Variants in ESRRG observed in about 807,000 individuals in gnomAD.
The protein encoded by ESRRG is estrogen related receptor gamma.
Under a neutral mutation model 44.0 loss-of-function variants are expected in ESRRG, and 13 were observed. The observed-to-expected ratio is 0.30, with a 90% CI of 0.19 to 0.47. The LOEUF (loss-of-function observed/expected upper bound fraction) is 0.47, where lower values mean the gene tolerates loss of function less well. ESRRG is among the 20% of genes least tolerant of loss of function. ESRRG has a pLI of 1.00. For synonymous variants in ESRRG, 215 were observed against 214.6 expected (o/e 1.00, Z -0.02); for missense variants, 395 against 580.6 (o/e 0.68, Z 3.29).
intron 2 of ESRRG, among the ~76,000 whole-genome samples, chr1:216,804,647 T>A (rs764390131): frequency 1.3e-5 from 2 of 152,092 alleles, no homozygotes; most frequent in African/African-American, 2.4e-5. Context: ...ACACACTTTT[T>A]TTTTTTAAAT....
At chr1:216,574,287 T>A (rs1392619436) in intron 3 of ESRRG, among the ~76,000 whole-genome samples, 2 of 152,094 alleles carry the variant, frequency 1.3e-5, no homozygotes, top group Non-Finnish European at 2.9e-5. Flanking sequence ...CACAAGGGAA[T>A]TACAAATCTT....
chr1:216,707,275 C>A, intron 1 of ESRRG: 1 of 1,441,114 alleles, frequency 6.9e-7, no homozygotes, highest in Non-Finnish European at 9.3e-7. Context: ...AAAATCAAAC[C>A]ATATACAAGT....
intron 2 of ESRRG, among the ~76,000 whole-genome samples, chr1:216,905,322 T>C (rs982861366): frequency 6.6e-6 from 1 of 152,056 alleles, no homozygotes; most frequent in Admixed American, 6.6e-5. Flanking sequence ...TCCTGTTCTT[T>C]GAACCACCCC....
intron 2 of ESRRG, among the ~76,000 whole-genome samples, chr1:216,732,072 T>C (rs2088897681): frequency 6.7e-6 from 1 of 148,512 alleles, no homozygotes; most frequent in Admixed American, 6.7e-5. Context: ...ATTTAAAAAT[T>C]CTAATTAAGA....
chr1:216,842,126 C>T (rs2095663069), intron 2 of ESRRG, among the ~76,000 whole-genome samples: 1 of 152,102 alleles, frequency 6.6e-6, no homozygotes, highest in South Asian at 2.1e-4. Context: ...ACAAAACATC[C>T]AACAACCAAA....
At chr1:217,016,289 T>A (rs1343256200) in intron 1 of ESRRG, among the ~76,000 whole-genome samples, 1 of 152,120 alleles carries the variant, frequency 6.6e-6, no homozygotes, top group East Asian at 1.9e-4. Context: ...TCCTTTTTTT[T>A]TAAGATTGTA....
At chr1:216,768,929 G>A (rs184975779) in intron 2 of ESRRG, among the ~76,000 whole-genome samples, 46 of 152,192 alleles carry the variant, frequency 3.0e-4, no homozygotes, top group Non-Finnish European at 2.9e-5. Context: ...ATGGTTTAGA[G>A]TCTATGCTGC....
intron 2 of ESRRG, among the ~76,000 whole-genome samples, chr1:216,768,276 G>A (rs983155670): frequency 6.6e-6 from 1 of 152,062 alleles, no homozygotes; most frequent in African/African-American, 2.4e-5. Flanking sequence ...ATTGAGAAAG[G>A]GTTGATGTGA....
chr1:216,858,306 G>A (rs774861090), intron 2 of ESRRG, among the ~76,000 whole-genome samples: 10 of 151,618 alleles, frequency 6.6e-5, no homozygotes, highest in Admixed American at 1.3e-4. Flanking sequence ...GCGTGGTGGC[G>A]GGTGCCTGTA....
At chr1:216,775,574 TTTTTTTTTTTTTTTTTTTA>T (rs1286481218) in intron 2 of ESRRG, among the ~76,000 whole-genome samples, 11 of 70,370 alleles carry the variant, frequency 1.6e-4, no homozygotes, top group African/African-American at 4.7e-4. Context: ...TTTTTTTTTT[TTTTTTTTTTTTTTTTTTTA>T]GACAGCGTCT....
intron 2 of ESRRG, among the ~76,000 whole-genome samples, chr1:216,731,750 A>G (rs888763044): frequency 6.6e-6 from 1 of 152,218 alleles, no homozygotes; most frequent in African/African-American, 2.4e-5. Flanking sequence ...GGGGAGGGGC[A>G]TGAGGCCTGT....
intron 2 of ESRRG, among the ~76,000 whole-genome samples, chr1:216,812,899 G>GAT (rs1200424761): frequency 6.6e-6 from 1 of 152,188 alleles, no homozygotes. Flanking sequence ...TAGCAATGAG[G>GAT]ATAGGGCTGA....
intron 2 of ESRRG, among the ~76,000 whole-genome samples, chr1:216,842,211 A>G (rs1436685665): frequency 6.6e-6 from 1 of 152,214 alleles, no homozygotes; most frequent in Non-Finnish European, 1.5e-5. Flanking sequence ...GCCTAGTTCT[A>G]TATGAAGTTC....
At chr1:216,723,143 C>G (rs547298411) in intron 1 of ESRRG, 101 bp downstream of exon 1, 33 of 988,156 alleles carry the variant, frequency 3.3e-5, no homozygotes, top group Non-Finnish European at 5.1e-5. Context: ...ACACAAAATA[C>G]CCAGGGCATT....
chr1:216,734,477 T>G (rs1007996147), intron 2 of ESRRG, among the ~76,000 whole-genome samples: 12 of 152,102 alleles, frequency 7.9e-5, no homozygotes, highest in Non-Finnish European at 1.3e-4. Flanking sequence ...GTTTAAAATT[T>G]AAAAGTGTGT....
intron 1 of ESRRG, among the ~76,000 whole-genome samples, chr1:216,948,317 G>A (rs1230704489): frequency 6.6e-6 from 1 of 151,552 alleles, no homozygotes; most frequent in Admixed American, 6.6e-5. Flanking sequence ...AGCACTTTGC[G>A]AGGCAGAGGC....
chr1:216,966,877 A>G (rs2070500111), intron 1 of ESRRG, among the ~76,000 whole-genome samples: 1 of 152,160 alleles, frequency 6.6e-6, no homozygotes, highest in Non-Finnish European at 1.5e-5. Context: ...AAAAACTTAT[A>G]CATACAAAAG....
chr1:216,869,468 A>C (rs2149194545), intron 2 of ESRRG, among the ~76,000 whole-genome samples: 1 of 152,258 alleles, frequency 6.6e-6, no homozygotes, highest in East Asian at 1.9e-4. Flanking sequence ...GTAAGTCTTA[A>C]AATCAGAAAG....
chr1:217,069,949 C>CA (rs1202317466), intron 1 of ESRRG, among the ~76,000 whole-genome samples: 5 of 152,108 alleles, frequency 3.3e-5, no homozygotes, highest in Non-Finnish European at 7.4e-5. Context: ...GCAAAACCTA[C>CA]AAAAAATGGT....
Sources: allele counts gnomAD v4.1 joint callset (sites outside exome capture counted in the v4.1 genomes callset), GRCh38; gene constraint gnomAD v4.1.1; transcripts MANE v1.5; gene names NCBI Gene and HGNC (gene_info 2026-07-23, HGNC 2026-07-21).